Variants in BTBD16 observed in about 807,000 individuals in gnomAD.
BTBD16 encodes BTB domain containing 16.
In BTBD16, 66 loss-of-function variants were observed where a neutral mutation model predicts 67.4. The observed-to-expected ratio is 0.98, with a 90% CI of 0.80 to 1.20. The LOEUF (loss-of-function observed/expected upper bound fraction) is 1.20. Ranked by LOEUF, BTBD16 falls within the 50% of genes most tolerant of loss-of-function variation. The pLI is 0.00. For missense variants in BTBD16, 634 were observed against 616.0 expected (o/e 1.03, Z -0.31); for synonymous variants, 242 against 236.4 (o/e 1.02, Z -0.22).
chr10:122,298,473 C>T (rs1037411055), intron 8 of BTBD16, among the ~76,000 whole-genome samples: 1 of 152,222 alleles, frequency 6.6e-6, no homozygotes, highest in Non-Finnish European at 1.5e-5. Context: ...ACCCCAGGCC[C>T]AGAAGCTATT....
At chr10:122,298,316 A>G (rs1241923499) in intron 8 of BTBD16, among the ~76,000 whole-genome samples, 1 of 152,168 alleles carries the variant, frequency 6.6e-6, no homozygotes, top group Non-Finnish European at 1.5e-5. Context: ...TATGGCCACC[A>G]GTGACCTGGG....
At chr10:122,327,458 A>G (rs1243109910) in intron 10 of BTBD16, 2 of 338,250 alleles carry the variant, frequency 5.9e-6, no homozygotes, top group Non-Finnish European at 8.4e-6. Context: ...CTTCTCCCCA[A>G]GGCACCACCT....
rs368976405 is a variant in BTBD16, at chr10:122,301,589, T to C, written c.791+2455T>C. On this transcript the variant is annotated intron_variant, in intron 9 of 15. Coordinates refer to ENST00000260723, the MANE Select transcript of BTBD16 (RefSeq NM_144587.5). ...CTCCAGTGGCTGCCTTTGTTAAAGC[T>C]TGAGGGAGGTGGGAAACGGTTCAGG... 9.2e-5 allele frequency among the ~76,000 whole-genome samples: 14 copies of C among 152,232 alleles called. 1 individual carries two copies. Among genetic ancestry groups the C allele is most frequent in the African/African-American group, 3.4e-4 (14 of 41,548 alleles).
chr10:122,281,763 C>T (rs2096353703), intron 3 of BTBD16, among the ~76,000 whole-genome samples: 1 of 152,212 alleles, frequency 6.6e-6, no homozygotes, highest in South Asian at 2.1e-4. Flanking sequence ...TGTAACTCTT[C>T]CTAGTTAATC....
intron 3 of BTBD16, 122 bp downstream of exon 3, chr10:122,277,061 C>A: frequency 8.5e-7 from 1 of 1,177,900 alleles, no homozygotes; most frequent in Non-Finnish European, 1.2e-6. Context: ...GCAAGGAAGG[C>A]TCCCTCTGGA....
intron 4 of BTBD16, among the ~76,000 whole-genome samples, chr10:122,284,985 C>T (rs1208412649): frequency 6.6e-6 from 1 of 152,130 alleles, no homozygotes; most frequent in Non-Finnish European, 1.5e-5. Context: ...TCAGCATAAC[C>T]AGACCACCTA....
intron 7 of BTBD16, chr10:122,294,052 A>G: frequency 1.2e-6 from 1 of 868,078 alleles, no homozygotes; most frequent in Non-Finnish European, 1.4e-6. Flanking sequence ...TCCACTGATG[A>G]GCAAACATAG....
chr10:122,313,533 G>T lies in BTBD16; in HGVS notation c.911+6225G>T, dbSNP rs189340900. 1.3e-4 allele frequency among the ~76,000 whole-genome samples: 20 copies of T among 152,256 alleles called. 1 individual carries two copies. The highest frequency in any genetic ancestry group is 6.8e-3 in the Middle Eastern group (2 of 294). ...CCGCCTCGGCCTCCCAAAGTGCTGG[G>T]ATTACAGGCATGAGCCACTGGGCCT... is the stretch of plus-strand genomic sequence containing the variant. On this transcript the variant is annotated intron_variant, in intron 10 of 15. Transcript: ENST00000260723.
chr10:122,308,817 G>A (rs1464502664), intron 10 of BTBD16, among the ~76,000 whole-genome samples: 4 of 152,268 alleles, frequency 2.6e-5, no homozygotes, highest in Middle Eastern at 3.4e-3. Context: ...GTAGCACCTC[G>A]CAGTTGTGTC....
chr10:122,292,577 C>T (rs529856842), intron 7 of BTBD16, among the ~76,000 whole-genome samples: 10 of 152,350 alleles, frequency 6.6e-5, no homozygotes, highest in Middle Eastern at 3.4e-3. Context: ...ACCCTCCCTT[C>T]AATGGCATTT....
At chr10:122,289,115 C>A (rs1243857612) in intron 5 of BTBD16, among the ~76,000 whole-genome samples, 3 of 152,084 alleles carry the variant, frequency 2.0e-5, no homozygotes, top group Non-Finnish European at 4.4e-5. Flanking sequence ...GGCAGAGTGA[C>A]AATAGCCACC....
At chr10:122,321,487 G>A (rs1357968316) in intron 10 of BTBD16, among the ~76,000 whole-genome samples, 1 of 152,174 alleles carries the variant, frequency 6.6e-6, no homozygotes, top group Admixed American at 6.5e-5. Flanking sequence ...GTGTGTAAGT[G>A]TTCCCTTTTC....
chr10:122,279,779 G>C (rs1443234134), intron 3 of BTBD16, among the ~76,000 whole-genome samples: 2 of 152,138 alleles, frequency 1.3e-5, no homozygotes, highest in African/African-American at 4.8e-5. Context: ...GCCCCACCTG[G>C]CAAGCTGTGT....
At position 122,275,245 on chromosome 10, in the gene BTBD16, C is replaced by T. The variant is rs2096338039; in HGVS notation, c.18+146C>T. Reference sequence around the variant, plus strand: ...CTGACTCGGCTGGAAAGAGCGCGTCCAGGCAGCACCGTCCAGAGGGCAGAG... The same window carrying T: ...CTGACTCGGCTGGAAAGAGCGCGTCTAGGCAGCACCGTCCAGAGGGCAGAG... On this transcript the variant is annotated intron_variant, in intron 2 of 15. Coordinates refer to ENST00000260723, the MANE Select transcript of BTBD16 (RefSeq NM_144587.5). The T allele has an allele frequency of 6.4e-6, 5 of 775,974 alleles. No individual in the cohort carries two copies. The East Asian group carries it at 1.2e-4, about 19-fold the overall frequency. The allele number at this position is 775,974 out of a possible 1,614,324, so 48.1% of individuals were successfully genotyped here.
At chr10:122,275,943 G>T (rs1453318236) in intron 2 of BTBD16, among the ~76,000 whole-genome samples, 1 of 152,080 alleles carries the variant, frequency 6.6e-6, no homozygotes, top group Non-Finnish European at 1.5e-5. Context: ...TAGCCAAAAG[G>T]TATAAAAAAC....
At chr10:122,298,082 A>C (rs1303790748) in intron 8 of BTBD16, among the ~76,000 whole-genome samples, 1 of 152,250 alleles carries the variant, frequency 6.6e-6, no homozygotes, top group Non-Finnish European at 1.5e-5. Context: ...GGGAAGAAGC[A>C]GCATAGCCTT....
In BTBD16 at chr10:122,315,766, A is replaced by C. The variant is rs112863445; in HGVS notation, c.911+8458A>C. Among the ~76,000 whole-genome samples the C allele has an allele frequency of 1.8e-3, 280 of 152,288 alleles. 1 individual carries two copies. The highest frequency in any genetic ancestry group is 5.7e-3 in the African/African-American group (237 of 41,556). The stretch of plus-strand genomic sequence containing the variant: ...TCAAGGAACGTGTACTTTTCATCTA[A>C]ATTGTTTTAAATTTATTGACACCAG... On this transcript the variant is annotated intron_variant, in intron 10 of 15. Transcript: ENST00000260723.
In BTBD16 at chr10:122,329,550, C is replaced by T. The variant is rs1464270421; in HGVS notation, c.982C>T (p.Arg328Cys). 23 of 1,613,754 alleles carry T rather than the reference C, an allele frequency of 1.4e-5. No individual in the cohort carries two copies. The highest frequency in any genetic ancestry group is 3.3e-5 in the South Asian group (3 of 91,090). The stretch of plus-strand genomic sequence containing the variant: ...CTTGAGGCCGCTCTTCCTCTGCTTG[C>T]GTCTGCACGGCATCACCAAAGGTAA... Reference protein sequence around the residue: ...RSLRPLFLCLRLHGITKGKDL... With the variant: ...RSLRPLFLCLCLHGITKGKDL... The change falls in exon 11 of 16, where the codon CGT becomes TGT. Residue 328 changes from arginine to cysteine, a missense_variant. Arg to Cys is a radical substitution (Grantham distance 180). Coordinates refer to ENST00000260723, the MANE Select transcript of BTBD16 (RefSeq NM_144587.5).
intron 3 of BTBD16, among the ~76,000 whole-genome samples, chr10:122,281,776 A>G (rs2096353727): frequency 6.6e-6 from 1 of 152,184 alleles, no homozygotes; most frequent in Non-Finnish European, 1.5e-5. Context: ...AGTTAATCAA[A>G]TTGGCATTTT....
Sources: gnomAD v4.1 joint callset for allele counts (sites outside exome capture counted in the v4.1 genomes callset) on GRCh38, gnomAD v4.1.1 for gene constraint, MANE v1.5 for transcripts, NCBI Gene and HGNC (gene_info 2026-07-23, HGNC 2026-07-21) for gene names.